CCDC93: variants seen among roughly 807,000 people sequenced by gnomAD.
CCDC93 encodes the protein CCC complex scaffolding subunit CCDC93.
CCDC93 carries 61 observed loss-of-function variants against 108.2 expected under a neutral mutation model. That is an observed-to-expected ratio of 0.56 (90% CI 0.46 to 0.70). CCDC93 has a LOEUF of 0.70. CCDC93 is among the 30% of genes least tolerant of loss of function. CCDC93 has a pLI of 0.00. For synonymous variants in CCDC93, 276 were observed against 260.4 expected (o/e 1.06, Z -0.58); for missense variants, 685 against 764.2 (o/e 0.90, Z 1.22).
chr2:117,962,541 G>A (rs911597396), intron 11 of CCDC93, among the ~76,000 whole-genome samples: 3 of 152,316 alleles, frequency 2.0e-5, no homozygotes, highest in Admixed American at 2.0e-4. Flanking sequence ...TACTTGGGAG[G>A]CTGAGGCATG....
intron 18 of CCDC93, among the ~76,000 whole-genome samples, chr2:117,942,089 G>A (rs1678719164): frequency 6.6e-6 from 1 of 152,210 alleles, no homozygotes. Flanking sequence ...CAGCTCTGGT[G>A]ACCTAATCCA....
intron 22 of CCDC93, chr2:117,931,662 C>T (rs1453078625): frequency 6.6e-6 from 1 of 152,298 alleles, no homozygotes; most frequent in African/African-American, 2.4e-5. Context: ...ACCGTGTATC[C>T]TCTTTTGATT....
At position 117,926,334 on chromosome 2, in the gene CCDC93, G is replaced by A. The variant is rs569649724; in HGVS notation, c.1842+4703C>T. Among the ~76,000 whole-genome samples, 27 of 152,156 alleles carry A rather than the reference G, an allele frequency of 1.8e-4. No homozygotes were observed. In the East Asian group the frequency reaches 4.8e-3, roughly 27 times the overall value. Reference sequence around the variant, plus strand: ...AAAAAATCAATGAATCCAGGAGCTGGTTTTTTGAAAAGATCAACAAAATTG... The same window carrying A: ...AAAAAATCAATGAATCCAGGAGCTGATTTTTTGAAAAGATCAACAAAATTG... On this transcript the variant is annotated intron_variant, in intron 23 of 23. Coordinates refer to ENST00000376300, the MANE Select transcript of CCDC93 (RefSeq NM_019044.5).
At chr2:117,978,589 A>C (rs1433095013) in intron 7 of CCDC93, among the ~76,000 whole-genome samples, 1 of 152,246 alleles carries the variant, frequency 6.6e-6, no homozygotes, top group Non-Finnish European at 1.5e-5. Flanking sequence ...TTTTTTAAAA[A>C]GCAAGTATAA....
In CCDC93 at chr2:117,917,928, G is replaced by A. The variant is rs1295078682; in HGVS notation, c.*2415C>T. ...ATTGAGCAGGGAGCCTCTCTCTCCT[G>A]GGGAAACCTGGTTCCTCCTGAAGCG... is the stretch of plus-strand genomic sequence containing the variant. On this transcript the variant is annotated 3_prime_UTR_variant, in exon 24 of 24. Coordinates refer to ENST00000376300, the MANE Select transcript of CCDC93 (RefSeq NM_019044.5). The A allele has an allele frequency of 6.6e-6, 1 of 152,202 alleles. No homozygotes were observed. The highest frequency in any genetic ancestry group is 1.5e-5 in the Non-Finnish European group (1 of 68,054). The allele number at this position is 152,202 out of a possible 1,614,324, so 9.4% of individuals were successfully genotyped here.
chr2:118,006,498 G>A (rs1035586936), intron 3 of CCDC93, among the ~76,000 whole-genome samples: 1 of 152,204 alleles, frequency 6.6e-6, no homozygotes, highest in African/African-American at 2.4e-5. Context: ...ACTGATATGA[G>A]CTGTCTTTGA....
intron 6 of CCDC93, among the ~76,000 whole-genome samples, chr2:117,994,476 T>C (rs1201639621): frequency 1.3e-5 from 2 of 152,246 alleles, no homozygotes. Context: ...ATTTTTTGTT[T>C]CATAGGAGAT....
chr2:117,991,321 C>T (rs371783270), intron 6 of CCDC93, among the ~76,000 whole-genome samples: 1 of 152,142 alleles, frequency 6.6e-6, no homozygotes, highest in South Asian at 2.1e-4. Context: ...GACCCAACCA[C>T]TCTGTAGGCA....
chr2:117,975,403 G>A, intron 8 of CCDC93, 123 bp from the exon 9 acceptor site: 1 of 685,152 alleles, frequency 1.5e-6, no homozygotes, highest in Non-Finnish European at 2.6e-6. Context: ...GCAGCATCCT[G>A]AGAGAGTGGA....
At chr2:117,932,310 G>C (rs1455249072) in intron 22 of CCDC93, among the ~76,000 whole-genome samples, 1 of 152,170 alleles carries the variant, frequency 6.6e-6, no homozygotes, top group Non-Finnish European at 1.5e-5. Flanking sequence ...CATGATTTCT[G>C]TGTTACACTT....
rs1179177549 is a variant in CCDC93 at position 117,992,767 on chromosome 2, A to AC, written c.519+2678_519+2679insG. The stretch of plus-strand genomic sequence containing the variant: ...ACTTCATGGGATTGTTGTGAGGACT[A>AC]GATGAGTTAGAGATGAACACCCAGA... On this transcript the variant is annotated intron_variant, in intron 6 of 23. Coordinates refer to ENST00000376300, the MANE Select transcript of CCDC93 (RefSeq NM_019044.5). Among the ~76,000 whole-genome samples, 15 of 139,284 alleles carry AC rather than the reference A, an allele frequency of 1.1e-4. No individual in the cohort carries two copies. In the East Asian group the frequency reaches 2.8e-3, roughly 26 times the overall value. The allele number at this position is 139,284 out of a possible 152,430, so 91.4% of individuals were successfully genotyped here. A position where few individuals can be genotyped will look rare whatever the true frequency, so the allele number is the denominator to read the frequency against.
chr2:117,980,086 C>T (rs975583066), intron 7 of CCDC93, among the ~76,000 whole-genome samples: 1 of 152,130 alleles, frequency 6.6e-6, no homozygotes, highest in Non-Finnish European at 1.5e-5. Flanking sequence ...CCTTCCTTGT[C>T]AAGCCGCTAT....
intron 11 of CCDC93, 63 bp from the exon 12 acceptor site, chr2:117,958,544 A>C: frequency 1.0e-6 from 1 of 988,874 alleles, no homozygotes; most frequent in Admixed American, 1.7e-5. Context: ...TCATGTAATC[A>C]AGCCCTGTTC....
chr2:117,930,320 A>C (rs375930943), intron 23 of CCDC93, among the ~76,000 whole-genome samples: 1 of 152,206 alleles, frequency 6.6e-6, no homozygotes, highest in South Asian at 2.1e-4. Flanking sequence ...GGAATTCCTT[A>C]AAATAAAGCT....
Position 118,006,805 on chromosome 2 carries a change from T to A in CCDC93, c.168A>T (p.Gly56=), listed in dbSNP as rs764813195. Residue 56 remains glycine (G), a synonymous_variant, in exon 3 of 24, where the codon GGA becomes GGT. Coordinates refer to ENST00000376300, the MANE Select transcript of CCDC93 (RefSeq NM_019044.5). ...GLSPFDKVVG[G]MTWCITTCNF... Reference sequence around the variant, plus strand: ...TGCAAGTGGTGATACACCAAGTCATTCCTCCTACTACCTGCAAGACATAAA... The same window carrying A: ...TGCAAGTGGTGATACACCAAGTCATACCTCCTACTACCTGCAAGACATAAA... The A allele has an allele frequency of 6.9e-6, 11 of 1,602,328 alleles. No individual in the cohort carries two copies. The highest frequency in any genetic ancestry group is 1.7e-5 in the Admixed American group (1 of 59,972).
At chr2:117,976,490 A>C (rs906997745) in intron 8 of CCDC93, among the ~76,000 whole-genome samples, 1 of 152,206 alleles carries the variant, frequency 6.6e-6, no homozygotes, top group Non-Finnish European at 1.5e-5. Flanking sequence ...AAAACTAAAA[A>C]AGAAGACATC....
chr2:117,958,568 C>A, intron 11 of CCDC93, 87 bp from the exon 12 acceptor site: 1 of 793,246 alleles, frequency 1.3e-6, no homozygotes, highest in Non-Finnish European at 2.2e-6. Flanking sequence ...GTGGGCAAAG[C>A]AGTACTGGGC....
At chr2:117,938,083 G>C (rs1678578250) in intron 20 of CCDC93, among the ~76,000 whole-genome samples, 1 of 152,212 alleles carries the variant, frequency 6.6e-6, no homozygotes, top group Admixed American at 6.5e-5. Flanking sequence ...AGGTGAGGGG[G>C]AGGGTAGGAA....
intron 1 of CCDC93, 23 bp from the exon 2 acceptor site, chr2:118,008,681 G>A (rs562521763): frequency 9.9e-6 from 15 of 1,518,336 alleles, no homozygotes; most frequent in Admixed American, 1.7e-5. Context: ...GTAAAACTTT[G>A]GCTGGTAAAA....
Sources: allele counts gnomAD v4.1 joint callset (sites outside exome capture counted in the v4.1 genomes callset), GRCh38; gene constraint gnomAD v4.1.1; transcripts MANE v1.5; gene names NCBI Gene and HGNC (gene_info 2026-07-23, HGNC 2026-07-21).